SRRD: variants seen among roughly 807,000 people sequenced by gnomAD.
SRRD encodes SRR1 domain containing, also known as SRR1-like protein.
SRRD carries 28 observed loss-of-function variants against 30.7 expected under a neutral mutation model. That is an observed-to-expected ratio of 0.91 (90% CI 0.68 to 1.25). The LOEUF is 1.25. Ranked by LOEUF, SRRD falls within the 50% of genes most tolerant of loss-of-function variation. The pLI, the probability that SRRD is intolerant of heterozygous loss-of-function variation, is 0.00. For synonymous variants in SRRD, 161 were observed against 159.6 expected (o/e 1.01, Z -0.07); for missense variants, 415 against 417.3 (o/e 0.99, Z 0.05).
In SRRD at chr22:26,491,954, T is replaced by TA. The variant is rs1469823496; in HGVS notation, c.*283dup. 1 of 1,444,812 alleles carries TA rather than the reference T, an allele frequency of 6.9e-7. No individual in the cohort carries two copies. Among genetic ancestry groups the TA allele is most frequent in the Admixed American group, 2.1e-5 (1 of 48,152 alleles). 89.5% of individuals were successfully genotyped at this position (1,444,812 alleles called of 1,614,324 possible). On this transcript the variant is annotated 3_prime_UTR_variant, in exon 7 of 7. Coordinates refer to ENST00000215917, the MANE Select transcript of SRRD (RefSeq NM_001013694.3). ...TTGAAGGTGATCTAAAAATACTGTT[T>TA]ATTTACAGTACATCCCTCTTAGGGG... is the stretch of plus-strand genomic sequence containing the variant.
Position 26,491,969 on chromosome 22 carries a change from C to T in SRRD, c.*297C>T. 6.6e-7 allele frequency: 1 copy of T among 1,518,812 alleles called. No individual in the cohort carries two copies. The highest frequency in any genetic ancestry group is 1.2e-5 in the South Asian group (1 of 82,910). 94.1% of individuals were successfully genotyped at this position (1,518,812 alleles called of 1,614,324 possible). A position where few individuals can be genotyped will look rare whatever the true frequency, so the allele number is the denominator to read the frequency against. ...AAATACTGTTTATTTACAGTACATC[C>T]CTCTTAGGGGCAAGTCTCTGACTGG... On this transcript the variant is annotated 3_prime_UTR_variant, in exon 7 of 7. Coordinates refer to ENST00000215917, the MANE Select transcript of SRRD (RefSeq NM_001013694.3).
Position 26,491,476 on chromosome 22 carries a change from T to C in SRRD, c.824T>C (p.Leu275Pro), listed in dbSNP as rs199686104. 1 of 1,613,034 alleles carries C rather than the reference T, an allele frequency of 6.2e-7. No individual in the cohort carries two copies. Among genetic ancestry groups the C allele is most frequent in the Non-Finnish European group, 8.5e-7 (1 of 1,179,800 alleles). ...YPYIAKILKGLEELEFPQTSQ... is the reference protein window; with the variant it reads ...YPYIAKILKGPEELEFPQTSQ... The stretch of plus-strand genomic sequence containing the variant: ...TTTTCTGCTCAGATTTTAAAAGGAC[T>C]GGAGGAGCTTGAGTTTCCTCAGACT... The change falls in exon 7 of 7, where the codon CTG becomes CCG. Residue 275 changes from leucine (L) to proline (P), a missense_variant. Transcript: ENST00000215917.
chr22:26,490,002 A>G lies in SRRD; in HGVS notation c.610-42A>G. 2.5e-6 allele frequency: 4 copies of G among 1,608,250 alleles called. No individual in the cohort carries two copies. In the South Asian group the frequency reaches 4.4e-5, roughly 18 times the overall value. On this transcript the variant is annotated intron_variant, in intron 4 of 6. Coordinates refer to ENST00000215917, the MANE Select transcript of SRRD (RefSeq NM_001013694.3). ...TCTCCCTCACCTTGCTGTAAAGAAT[A>G]GGTTGTGGGCATGTTTACACCTGTG...
chr22:26,494,027 A>G lies in SRRD; in HGVS notation c.*2355A>G. 8.0e-7 allele frequency: 1 copy of G among 1,243,260 alleles called. No individual in the cohort carries two copies. Among genetic ancestry groups the G allele is most frequent in the South Asian group, 1.5e-5 (1 of 68,618 alleles). The allele number at this position is 1,243,260 out of a possible 1,614,324, so 77.0% of individuals were successfully genotyped here. ...GTCTGTTGCTATGTGCAAAAGTGTG[A>G]CCTAAGGTTTAGGCTGCCTACAGGA... On this transcript the variant is annotated 3_prime_UTR_variant, in exon 7 of 7. Coordinates refer to ENST00000215917, the MANE Select transcript of SRRD (RefSeq NM_001013694.3).
intron 1 of SRRD, among the ~76,000 whole-genome samples, chr22:26,485,041 CCTGAATAAAA>C (rs2091670638): frequency 6.6e-6 from 1 of 152,138 alleles, no homozygotes; most frequent in South Asian, 2.1e-4. Flanking sequence ...TTTGGCTCAG[CCTGAATAAAA>C]AGCACCTGCG....
At position 26,491,070 on chromosome 22, in the gene SRRD, G is replaced by A. The variant is rs1451173953; in HGVS notation, c.810G>A (p.Lys270=). 6.2e-7 allele frequency: 1 copy of A among 1,611,790 alleles called. No individual in the cohort carries two copies. Among genetic ancestry groups the A allele is most frequent in the Admixed American group, 1.7e-5 (1 of 59,492 alleles). The part of the protein sequence containing the change: ...ILQKNYPYIA[K]ILKGLEELEF... ...AGAAAAATTATCCCTACATTGCAAA[G>A]GTATCTATCTGAATAAAGGGGCTGG... Residue 270 remains lysine (K), a splice_region_variant and synonymous_variant, in exon 6 of 7, where the codon AAG becomes AAA. Coordinates refer to ENST00000215917, the MANE Select transcript of SRRD (RefSeq NM_001013694.3).
chr22:26,491,164 C>A, intron 6 of SRRD, 94 bp downstream of exon 6: 3 of 1,273,544 alleles, frequency 2.4e-6, no homozygotes, highest in Non-Finnish European at 3.4e-6. Flanking sequence ...AACTCATGGG[C>A]TAAGTGGCGC....
At position 26,492,064 on chromosome 22, in the gene SRRD, C is replaced by T; in HGVS notation, c.*392C>T. 6.2e-7 allele frequency: 1 copy of T among 1,610,908 alleles called. No homozygotes were observed. ...GCAGTGAGGTGGGCACCCACGTCTT[C>T]TCGCCCTGGACAAAGACCACTCCCC... On this transcript the variant is annotated 3_prime_UTR_variant, in exon 7 of 7. Transcript: ENST00000215917.
rs185633202 is a variant in SRRD at position 26,485,790 on chromosome 22, G to A, written c.210-233G>A. On this transcript the variant is annotated intron_variant, in intron 1 of 6. Coordinates refer to ENST00000215917, the MANE Select transcript of SRRD (RefSeq NM_001013694.3). ...GAGAATAGACCCAGATCTCTCTCTG[G>A]GAATCAAGGACCTCCTCCAGCATAC... Among the ~76,000 whole-genome samples the A allele has an allele frequency of 3.9e-5, 6 of 152,242 alleles. No individual in the cohort carries two copies. The East Asian group carries it at 1.2e-3, about 29-fold the overall frequency.
intron 6 of SRRD, 147 bp from the exon 7 acceptor site, chr22:26,491,316 T>C: frequency 1.3e-6 from 1 of 762,566 alleles, no homozygotes; most frequent in Non-Finnish European, 2.1e-6. Context: ...CCCAATTCAT[T>C]GTGCAAAAGC....
chr22:26,491,786 T>C lies in SRRD; in HGVS notation c.*114T>C. 1 of 1,067,736 alleles carries C rather than the reference T, an allele frequency of 9.4e-7. No individual in the cohort carries two copies. Among genetic ancestry groups the C allele is most frequent in the Non-Finnish European group, 1.3e-6 (1 of 750,684 alleles). 66.1% of individuals were successfully genotyped at this position (1,067,736 alleles called of 1,614,324 possible). On this transcript the variant is annotated 3_prime_UTR_variant, in exon 7 of 7. Coordinates refer to ENST00000215917, the MANE Select transcript of SRRD (RefSeq NM_001013694.3). ...TCCTTTGCCAGGAAAGAACATCAACTTGGCTGTCCTGTTTTGAGGACGATA... is the reference window on the plus strand; with the variant it reads ...TCCTTTGCCAGGAAAGAACATCAACCTGGCTGTCCTGTTTTGAGGACGATA...
chr22:26,494,531 C>T lies in SRRD; in HGVS notation c.*2859C>T. ...ACTCTCTGAGCCTCAGCTTCCATGT[C>T]TACACAACAGGGATACCATATCCCC... is the stretch of plus-strand genomic sequence containing the variant. On this transcript the variant is annotated 3_prime_UTR_variant, in exon 7 of 7. Transcript: ENST00000215917. 1 of 701,918 alleles carries T rather than the reference C, an allele frequency of 1.4e-6. No homozygotes were observed. Among genetic ancestry groups the T allele is most frequent in the Non-Finnish European group, 2.3e-6 (1 of 426,820 alleles). 43.5% of individuals were successfully genotyped at this position (701,918 alleles called of 1,614,324 possible).
intron 4 of SRRD, 140 bp downstream of exon 4, chr22:26,488,628 C>A: frequency 3.0e-6 from 2 of 667,976 alleles, no homozygotes; most frequent in Non-Finnish European, 5.3e-6. Flanking sequence ...AGTGCCTGAA[C>A]GATGTAACCA....
Position 26,492,327 on chromosome 22 carries a change from G to A in SRRD, c.*655G>A, listed in dbSNP as rs766303217. ...TCCTTCCTCCGCTCCGTGTGGGTGAGATAGGCAATGTTCTCCCGTGCTCCT... is the reference window on the plus strand; with the variant it reads ...TCCTTCCTCCGCTCCGTGTGGGTGAAATAGGCAATGTTCTCCCGTGCTCCT... On this transcript the variant is annotated 3_prime_UTR_variant, in exon 7 of 7. Transcript: ENST00000215917. 1 of 1,614,086 alleles carries A rather than the reference G, an allele frequency of 6.2e-7. No homozygotes were observed. Among genetic ancestry groups the A allele is most frequent in the Non-Finnish European group, 8.5e-7 (1 of 1,180,046 alleles).
chr22:26,484,231 C>T (rs1230475573), intron 1 of SRRD, 132 bp downstream of exon 1: 1 of 1,000,850 alleles, frequency 1.0e-6, no homozygotes, highest in Non-Finnish European at 1.5e-6. Context: ...ACGTAGGTAA[C>T]GAGCTCATTA....
rs1921381514 is a variant in SRRD at position 26,492,799 on chromosome 22, C to T, written c.*1127C>T. 5.5e-6 allele frequency: 1 copy of T among 180,922 alleles called. No individual in the cohort carries two copies. Among genetic ancestry groups the T allele is most frequent in the Non-Finnish European group, 1.2e-5 (1 of 83,998 alleles). 11.2% of individuals were successfully genotyped at this position (180,922 alleles called of 1,614,324 possible). On this transcript the variant is annotated 3_prime_UTR_variant, in exon 7 of 7. Transcript: ENST00000215917. ...TAACCTACCCACACAGGGCCCCCAT[C>T]CTGAAAGAAGTTCACATATATTTAG...
intron 2 of SRRD, among the ~76,000 whole-genome samples, chr22:26,487,419 G>A (rs891958281): frequency 6.6e-6 from 1 of 152,200 alleles, no homozygotes; most frequent in Non-Finnish European, 1.5e-5. Context: ...GAATGCAGCG[G>A]TGTGATCTCG....
chr22:26,485,167 A>G (rs1481283957), intron 1 of SRRD, among the ~76,000 whole-genome samples: 2 of 152,218 alleles, frequency 1.3e-5, no homozygotes, highest in Non-Finnish European at 1.5e-5. Flanking sequence ...GATCTCCTCA[A>G]CTGCTTCAGT....
Position 26,488,022 on chromosome 22 carries a change from C to T in SRRD, c.251-7C>T, listed in dbSNP as rs777939120. 3 of 1,601,856 alleles carry T rather than the reference C, an allele frequency of 1.9e-6. No homozygotes were observed. The highest frequency in any genetic ancestry group is 2.7e-5 in the African/African-American group (2 of 74,540). ...CTCTAACTGCATTTGGGGGCCTGCT[C>T]TTTCAGAAACCATCAATAGATGTCT... On this transcript the variant is annotated splice_polypyrimidine_tract_variant and splice_region_variant and intron_variant, in intron 2 of 6. Transcript: ENST00000215917.
Sources: gnomAD v4.1 joint callset for allele counts (sites outside exome capture counted in the v4.1 genomes callset) on GRCh38, gnomAD v4.1.1 for gene constraint, MANE v1.5 for transcripts, NCBI Gene and HGNC (gene_info 2026-07-23, HGNC 2026-07-21) for gene names.